NEBL: variants seen among roughly 807,000 people sequenced by gnomAD.
NEBL encodes the protein LIM and SH3 protein 2.
In NEBL, 122 loss-of-function variants were observed where a neutral mutation model predicts 140.2. That is an observed-to-expected ratio of 0.87 (90% CI 0.75 to 1.01). The LOEUF (loss-of-function observed/expected upper bound fraction) is 1.01. Ranked by LOEUF, NEBL falls within the 50% of genes least tolerant of loss-of-function variation. NEBL has a pLI of 0.00. For synonymous variants in NEBL, 436 were observed against 398.9 expected, an observed-to-expected ratio of 1.09 and a Z score of -1.11; for missense variants, 1,365 against 1,231.3, an observed-to-expected ratio of 1.11 and a Z score of -1.62.
chr10:21,067,578 T>G (rs1835624308), intron 2 of NEBL, among the ~76,000 whole-genome samples: 1 of 152,180 alleles, frequency 6.6e-6, no homozygotes. Flanking sequence ...TTGGAAAGAT[T>G]ACATTTATTT....
chr10:20,849,785 G>A (rs1314480689), intron 11 of NEBL, among the ~76,000 whole-genome samples: 1 of 152,100 alleles, frequency 6.6e-6, no homozygotes, highest in Non-Finnish European at 1.5e-5. Context: ...AAGAGAAAAG[G>A]AAATCATTCA....
chr10:21,246,988 C>T (rs146662883), intron 3 of NEBL, among the ~76,000 whole-genome samples: 3 of 152,164 alleles, frequency 2.0e-5, no homozygotes, highest in African/African-American at 4.8e-5. Context: ...CCTTGCTGTT[C>T]TCGTGATAGT....
At chr10:21,005,198 T>C (rs1838085799) in intron 3 of NEBL, among the ~76,000 whole-genome samples, 1 of 152,122 alleles carries the variant, frequency 6.6e-6, no homozygotes, top group South Asian at 2.1e-4. Context: ...CCTTAGTTCT[T>C]TAAGGAGCAC....
intron 1 of NEBL, among the ~76,000 whole-genome samples, chr10:21,255,050 A>G (rs538136255): frequency 6.6e-6 from 1 of 152,176 alleles, no homozygotes; most frequent in African/African-American, 2.4e-5. Context: ...ACAGTCTATC[A>G]GACTCTGCTC....
chr10:20,950,253 T>C (rs541300980), intron 4 of NEBL, among the ~76,000 whole-genome samples: 19 of 152,228 alleles, frequency 1.2e-4, no homozygotes, highest in Non-Finnish European at 2.6e-4. Flanking sequence ...TAAAACATGT[T>C]TGTTAAGTCA....
chr10:20,878,894 C>T (rs1845756327), intron 5 of NEBL, among the ~76,000 whole-genome samples: 2 of 152,090 alleles, frequency 1.3e-5, no homozygotes, highest in African/African-American at 4.8e-5. Context: ...ATAATAAGCC[C>T]AGTTCTATGA....
At chr10:21,206,968 C>CTTTTTTTTTTTTTT (rs1028716031) in intron 3 of NEBL, among the ~76,000 whole-genome samples, 8 of 99,140 alleles carry the variant, frequency 8.1e-5, no homozygotes, top group African/African-American at 7.9e-5. Flanking sequence ...CTTTTTCTTT[C>CTTTTTTTTTTTTTT]TTTTTTTTTT....
chr10:20,904,612 C>A (rs1383242686), intron 4 of NEBL, among the ~76,000 whole-genome samples: 1 of 152,164 alleles, frequency 6.6e-6, no homozygotes, highest in Non-Finnish European at 1.5e-5. Flanking sequence ...CAGGTGGGGT[C>A]TCATTTGACT....
At chr10:20,840,365 A>C (rs1841298354) in intron 13 of NEBL, among the ~76,000 whole-genome samples, 1 of 152,154 alleles carries the variant, frequency 6.6e-6, no homozygotes. Context: ...CCAGGGCAAG[A>C]CTGGGAGAGT....
chr10:20,897,909 T>C (rs1462832435), upstream of NEBL, among the ~76,000 whole-genome samples: 1 of 152,216 alleles, frequency 6.6e-6, no homozygotes, highest in Non-Finnish European at 1.5e-5. Flanking sequence ...TGGTATTGTA[T>C]TAATTGTAAA....
intron 7 of NEBL, among the ~76,000 whole-genome samples, chr10:20,860,086 C>T (rs703094): frequency 2.0e-5 from 3 of 151,848 alleles, no homozygotes; most frequent in African/African-American, 2.4e-5. Context: ...AAAATACCAA[C>T]ATTTTTAAAT....
intron 4 of NEBL, among the ~76,000 whole-genome samples, chr10:20,935,622 ACT>A (rs1834441140): frequency 6.6e-6 from 1 of 152,324 alleles, no homozygotes; most frequent in South Asian, 2.1e-4. Flanking sequence ...GAATTAAAAC[ACT>A]GTTACCTCTT....
Position 20,897,121 on chromosome 10 carries a change from T to A in NEBL, c.81+4A>T. 1.3e-6 allele frequency: 2 copies of A among 1,593,662 alleles called. No homozygotes were observed. Among genetic ancestry groups the A allele is most frequent in the Non-Finnish European group, 1.7e-6 (2 of 1,161,408 alleles). ...CTGGTCTGAGTATGTGTTTTCTCACTCACCTGGTCTTCTTCATTTTCTTCT... is the reference window on the plus strand; with the variant it reads ...CTGGTCTGAGTATGTGTTTTCTCACACACCTGGTCTTCTTCATTTTCTTCT... On this transcript the variant is annotated splice_donor_region_variant and intron_variant, in intron 1 of 27. Transcript: ENST00000377122.
intron 2 of NEBL, among the ~76,000 whole-genome samples, chr10:21,156,801 G>A (rs564314713): frequency 4.5e-4 from 69 of 152,180 alleles, no homozygotes; most frequent in African/African-American, 1.5e-3. Flanking sequence ...ATCCTAAATC[G>A]TAGGAATATT....
intron 2 of NEBL, among the ~76,000 whole-genome samples, chr10:21,032,858 A>T (rs1402117586): frequency 1.3e-5 from 2 of 152,118 alleles, no homozygotes; most frequent in Non-Finnish European, 2.9e-5. Flanking sequence ...CCTCAGCAGG[A>T]CTCAATTGTA....
At chr10:21,172,540 C>G (rs1255946245) in intron 1 of NEBL, 1 of 1,279,834 alleles carries the variant, frequency 7.8e-7, no homozygotes, top group East Asian at 2.4e-5. Context: ...AGGATGGGCA[C>G]AGAAGGAAGG....
chr10:21,159,521 G>A (rs772629206), intron 2 of NEBL, among the ~76,000 whole-genome samples: 3 of 152,138 alleles, frequency 2.0e-5, no homozygotes, highest in Admixed American at 6.5e-5. Context: ...CAAATTAAGC[G>A]CAAAGCAGCT....
chr10:21,101,063 A>G (rs1837454578), intron 2 of NEBL, among the ~76,000 whole-genome samples: 1 of 152,010 alleles, frequency 6.6e-6, no homozygotes, highest in Admixed American at 6.6e-5. Context: ...TCCTTCATTC[A>G]CAGGCCTGAA....
chr10:21,119,460 GAATATAACATATAT>G (rs1329174103), intron 2 of NEBL, among the ~76,000 whole-genome samples: 7 of 147,870 alleles, frequency 4.7e-5, no homozygotes, highest in African/African-American at 1.7e-4. Flanking sequence ...TTAATATACT[GAATATAACATATAT>G]AGTTATATTA....
Sources: gnomAD v4.1 joint callset for allele counts (sites outside exome capture counted in the v4.1 genomes callset) on GRCh38, gnomAD v4.1.1 for gene constraint, MANE v1.5 for transcripts, NCBI Gene and HGNC (gene_info 2026-07-23, HGNC 2026-07-21) for gene names.